The following RNF180 variants were observed in gnomAD, a reference collection of about 807,000 sequenced individuals.
The protein encoded by RNF180 is E3 ubiquitin-protein ligase RNF180.
Under a neutral mutation model 59.2 loss-of-function variants are expected in RNF180, and 38 were observed. The ratio of observed to expected loss-of-function variants is 0.64; its 90% CI spans 0.50 to 0.84. The LOEUF is 0.84. Ranked by LOEUF, RNF180 falls within the 40% of genes least tolerant of loss-of-function variation. RNF180 has a pLI of 0.00. For missense variants in RNF180, 705 were observed against 700.9 expected, an observed-to-expected ratio of 1.01 and a Z score of -0.07; for synonymous variants, 262 against 240.3, an observed-to-expected ratio of 1.09 and a Z score of -0.84.
chr5:64,268,425 T>A (rs1744813100), intron 5 of RNF180, among the ~76,000 whole-genome samples: 1 of 152,164 alleles, frequency 6.6e-6, no homozygotes, highest in Non-Finnish European at 1.5e-5. Context: ...AAGAGATACT[T>A]TTTTTCCTTT....
At chr5:64,327,931 T>C (rs944084228) in intron 6 of RNF180, among the ~76,000 whole-genome samples, 4 of 152,218 alleles carry the variant, frequency 2.6e-5, no homozygotes, top group African/African-American at 9.6e-5. Flanking sequence ...TACTTGCTTT[T>C]ATCTGGGTGT....
At chr5:64,244,076 C>T (rs1002186996) in intron 5 of RNF180, among the ~76,000 whole-genome samples, 1 of 152,066 alleles carries the variant, frequency 6.6e-6, no homozygotes, top group Non-Finnish European at 1.5e-5. Context: ...ACGTAGAAAC[C>T]CCATCCAAAG....
chr5:64,360,800 G>A (rs533338609), intron 7 of RNF180, among the ~76,000 whole-genome samples: 47 of 151,722 alleles, frequency 3.1e-4, no homozygotes, highest in African/African-American at 6.5e-4. Flanking sequence ...TACTCACAGC[G>A]GTAGCCAGAG....
intron 7 of RNF180, among the ~76,000 whole-genome samples, chr5:64,365,799 C>T (rs1283192341): frequency 6.6e-6 from 1 of 151,494 alleles, no homozygotes; most frequent in African/African-American, 2.4e-5. Context: ...GCAACCCCTG[C>T]TTTTTTATGC....
intron 6 of RNF180, 88 bp from the exon 7 acceptor site, chr5:64,330,193 A>T: frequency 1.1e-6 from 1 of 883,330 alleles, no homozygotes; most frequent in Non-Finnish European, 1.8e-6. Flanking sequence ...ATCAAATAGT[A>T]TCAAAATACT....
intron 7 of RNF180, among the ~76,000 whole-genome samples, chr5:64,352,975 GT>G (rs1437542506): frequency 6.6e-6 from 1 of 151,716 alleles, no homozygotes; most frequent in East Asian, 1.9e-4. Flanking sequence ...CTAAATGACT[GT>G]TAGTTATGAT....
chr5:64,169,034 C>A (rs930744245), intron 1 of RNF180, among the ~76,000 whole-genome samples: 1 of 152,122 alleles, frequency 6.6e-6, no homozygotes, highest in Non-Finnish European at 1.5e-5. Flanking sequence ...AGTGTTAAAG[C>A]AGAAGGGGCT....
At chr5:64,349,410 C>A (rs114802090) in intron 7 of RNF180, among the ~76,000 whole-genome samples, 1 of 139,232 alleles carries the variant, frequency 7.2e-6, no homozygotes, top group East Asian at 2.1e-4. Flanking sequence ...AGTCTTCTTT[C>A]TTTTTTTTTT....
chr5:64,302,422 C>G (rs537996760), intron 5 of RNF180, among the ~76,000 whole-genome samples: 3 of 151,604 alleles, frequency 2.0e-5, no homozygotes, highest in African/African-American at 7.2e-5. Flanking sequence ...TTATGTGGCT[C>G]ATTCTTTTCC....
At chr5:64,171,952 G>A (rs769594286) in intron 1 of RNF180, among the ~76,000 whole-genome samples, 1 of 152,160 alleles carries the variant, frequency 6.6e-6, no homozygotes, top group Non-Finnish European at 1.5e-5. Flanking sequence ...ACCTCACAGA[G>A]TTGGGTAACA....
rs147377585 is a variant in RNF180, at chr5:64,311,071, G to T, written c.1228-14115G>T. Among the ~76,000 whole-genome samples the T allele has an allele frequency of 3.8e-3, 572 of 151,944 alleles. 9 individuals are homozygous for T. The highest frequency in any genetic ancestry group is 0.013 in the African/African-American group (521 of 41,508). On this transcript the variant is annotated intron_variant, in intron 5 of 7. Transcript: ENST00000389100. ...CATGGTAGAAATTACAGATTATTTG[G>T]GTGGGGCACAGTGGCTTACTATAAT... is the stretch of plus-strand genomic sequence containing the variant.
chr5:64,213,775 A>T lies in RNF180; in HGVS notation c.449A>T (p.Glu150Val). 1 of 1,614,188 alleles carries T rather than the reference A, an allele frequency of 6.2e-7. No homozygotes were observed. Among genetic ancestry groups the T allele is most frequent in the Non-Finnish European group, 8.5e-7 (1 of 1,180,024 alleles). The change falls in exon 4 of 8, where the codon GAA (glutamate) becomes GTA (valine). Residue 150 changes from glutamate (E) to valine (V), a missense_variant. Coordinates refer to ENST00000389100, the MANE Select transcript of RNF180 (RefSeq NM_001113561.2). ...HPRVQSGCDK[E>V]ALLTGGGSEN... is the part of the protein sequence containing the mutation. ...AGAGTTCAGTCAGGTTGTGACAAGG[A>T]AGCTCTGCTGACAGGTGGTGGCTCT... is the stretch of plus-strand genomic sequence containing the variant.
chr5:64,260,642 G>A (rs1744280953), intron 5 of RNF180, among the ~76,000 whole-genome samples: 2 of 152,120 alleles, frequency 1.3e-5, no homozygotes, highest in African/African-American at 4.8e-5. Flanking sequence ...CTTCTAGAGA[G>A]GTAATTAAAC....
intron 7 of RNF180, among the ~76,000 whole-genome samples, chr5:64,335,859 A>G (rs772309326): frequency 6.6e-5 from 10 of 152,142 alleles, no homozygotes; most frequent in Non-Finnish European, 1.3e-4. Flanking sequence ...TTTGGGGAGT[A>G]TTGATACCTT....
At chr5:64,337,006 T>G (rs1349424040) in intron 7 of RNF180, among the ~76,000 whole-genome samples, 1 of 150,312 alleles carries the variant, frequency 6.7e-6, no homozygotes, top group African/African-American at 2.4e-5. Context: ...TTGTTGTTGT[T>G]TTTTTTTTGT....
rs186576857 is a variant in RNF180 at position 64,215,616 on chromosome 5, A to G, written c.1191+1099A>G. ...ATATATTACAGAATGTAAAAAATGA[A>G]TGTGTTTTAGCATCATTATAACATA... is the stretch of plus-strand genomic sequence containing the variant. On this transcript the variant is annotated intron_variant, in intron 4 of 7. Coordinates refer to ENST00000389100, the MANE Select transcript of RNF180 (RefSeq NM_001113561.2). Among the ~76,000 whole-genome samples the G allele has an allele frequency of 2.0e-5, 3 of 152,272 alleles. No homozygotes were observed. The East Asian group carries it at 5.8e-4, about 29-fold the overall frequency.
intron 5 of RNF180, among the ~76,000 whole-genome samples, chr5:64,261,459 C>T (rs1340176474): frequency 6.6e-6 from 1 of 152,170 alleles, no homozygotes; most frequent in African/African-American, 2.4e-5. Context: ...GGTATCGCTA[C>T]TTCTTTCAAA....
intron 1 of RNF180, among the ~76,000 whole-genome samples, chr5:64,186,495 T>C (rs931639947): frequency 6.6e-6 from 1 of 152,188 alleles, no homozygotes; most frequent in African/African-American, 2.4e-5. Context: ...AATTTTTGCC[T>C]GTTCTCTCCC....
chr5:64,355,567 A>G (rs1745983642), intron 7 of RNF180, among the ~76,000 whole-genome samples: 1 of 151,970 alleles, frequency 6.6e-6, no homozygotes, highest in South Asian at 2.1e-4. Flanking sequence ...ATGATCTTCA[A>G]ATTCATCCAG....
Sources: gnomAD v4.1 joint callset for allele counts (sites outside exome capture counted in the v4.1 genomes callset) on GRCh38, gnomAD v4.1.1 for gene constraint, MANE v1.5 for transcripts, NCBI Gene and HGNC (gene_info 2026-07-23, HGNC 2026-07-21) for gene names.